The following ANKHD1 variants were observed in gnomAD, a reference collection of about 807,000 sequenced individuals.
ANKHD1 encodes ankyrin repeat and KH domain-containing protein 1.
Under a neutral mutation model 230.5 loss-of-function variants are expected in ANKHD1, and 31 were observed. The observed-to-expected ratio is 0.13, with a 90% CI of 0.10 to 0.18. ANKHD1 has a LOEUF of 0.18. Ranked by LOEUF, ANKHD1 falls within the 10% of genes least tolerant of loss-of-function variation. The pLI is 1.00. For synonymous variants in ANKHD1, 1,074 were observed against 1,117.6 expected, an observed-to-expected ratio of 0.96 and a Z score of 0.78; for missense variants, 2,256 against 3,071.3, an observed-to-expected ratio of 0.73 and a Z score of 6.27.
At chr5:140,478,349 TTTTC>T (rs1209931352) in intron 10 of ANKHD1, among the ~76,000 whole-genome samples, 1 of 150,454 alleles carries the variant, frequency 6.6e-6, no homozygotes, top group Non-Finnish European at 1.5e-5. Flanking sequence ...CAAGCAAGGC[TTTTC>T]TTTCTTTTTC....
At chr5:140,454,903 C>CA (rs941284756) in intron 7 of ANKHD1, among the ~76,000 whole-genome samples, 46 of 151,698 alleles carry the variant, frequency 3.0e-4, no homozygotes, top group Non-Finnish European at 5.6e-4. Flanking sequence ...AAAAACCCTT[C>CA]AAAAAAAATC....
chr5:140,436,013 C>G, intron 1 of ANKHD1, 91 bp from the exon 2 acceptor site: 1 of 1,320,892 alleles, frequency 7.6e-7, no homozygotes, highest in Non-Finnish European at 9.8e-7. Context: ...TATTTAAGTT[C>G]TAATTAAGAA....
At chr5:140,473,676 A>T (rs1340604736) in intron 10 of ANKHD1, among the ~76,000 whole-genome samples, 1 of 152,112 alleles carries the variant, frequency 6.6e-6, no homozygotes, top group Non-Finnish European at 1.5e-5. Flanking sequence ...TTCTACTTTG[A>T]AGTAAGTAAG....
chr5:140,467,127 A>G (rs1776151569), intron 10 of ANKHD1, among the ~76,000 whole-genome samples: 1 of 152,076 alleles, frequency 6.6e-6, no homozygotes, highest in Admixed American at 6.6e-5. Context: ...GTGTTCTATC[A>G]TAATCTTTAC....
At chr5:140,422,463 C>G (rs1417090673) in intron 1 of ANKHD1, among the ~76,000 whole-genome samples, 1 of 152,068 alleles carries the variant, frequency 6.6e-6, no homozygotes, top group Non-Finnish European at 1.5e-5. Flanking sequence ...TTATTTAGAG[C>G]CTACTATTTG....
Position 140,485,028 on chromosome 5 carries a change from C to T in ANKHD1, c.1871-93C>T. 6.8e-7 allele frequency: 1 copy of T among 1,471,364 alleles called. No individual in the cohort carries two copies. The highest frequency in any genetic ancestry group is 2.2e-5 in the Admixed American group (1 of 46,098). The allele number at this position is 1,471,364 out of a possible 1,614,324, so 91.1% of individuals were successfully genotyped here. On this transcript the variant is annotated intron_variant, in intron 11 of 33. Transcript: ENST00000360839. This position sits in a 1 kb window ranked among gnomAD's most constrained non-coding sequence, Gnocchi z 4.8. The stretch of plus-strand genomic sequence containing the variant: ...TGATTTGTATATTTTTTTGTATCTA[C>T]ATTATACTTCACAAAAAATTTTTAA...
At chr5:140,413,717 G>C (rs1414373476) in intron 1 of ANKHD1, among the ~76,000 whole-genome samples, 7 of 151,988 alleles carry the variant, frequency 4.6e-5, no homozygotes, top group Non-Finnish European at 8.8e-5. Flanking sequence ...ATGTGTGTGT[G>C]TATATATGTA....
Position 140,534,298 on chromosome 5 carries a change from A to G in ANKHD1, c.6851-1064A>G, listed in dbSNP as rs544452325. Among the ~76,000 whole-genome samples the G allele has an allele frequency of 5.3e-4, 80 of 152,220 alleles. No individual in the cohort carries two copies. The South Asian group carries it at 0.013, about 24-fold the overall frequency. ...TCCCAGCTACTTGGGAGGCTGAGGC[A>G]GAAGAATGGCATGAACCCGGGAGGC... On this transcript the variant is annotated intron_variant, in intron 29 of 33. Coordinates refer to ENST00000360839, the MANE Select transcript of ANKHD1 (RefSeq NM_017747.3).
chr5:140,410,139 C>A (rs1770811905), intron 1 of ANKHD1, among the ~76,000 whole-genome samples: 11 of 152,094 alleles, frequency 7.2e-5, no homozygotes, highest in Admixed American at 7.2e-4. Flanking sequence ...CCTGCTCCCA[C>A]ATATCTTGCT....
chr5:140,441,042 A>T lies in ANKHD1; in HGVS notation c.813A>T (p.Gly271=). Residue 271 remains glycine, a synonymous_variant, in exon 5 of 34, where the codon GGA becomes GGT. Coordinates refer to ENST00000360839, the MANE Select transcript of ANKHD1 (RefSeq NM_017747.3). Reference sequence around the variant, plus strand: ...ATGTTGAAGATCGAGGGAATAAAGGAGACATAACTCCCCTGATGGCAGCTT... The same window carrying T: ...ATGTTGAAGATCGAGGGAATAAAGGTGACATAACTCCCCTGATGGCAGCTT... ...HANVEDRGNK[G]DITPLMAASS... 2.5e-6 allele frequency: 4 copies of T among 1,612,212 alleles called. No homozygotes were observed. In the African/African-American group the frequency reaches 4.0e-5, roughly 16 times the overall value.
At position 140,419,794 on chromosome 5, in the gene ANKHD1, CTTTCT is replaced by C. The variant is rs1561690828; in HGVS notation, c.307-16307_307-16303del. 5.8e-5 allele frequency among the ~76,000 whole-genome samples: 8 copies of C among 137,032 alleles called. No individual in the cohort carries two copies. In the East Asian group the frequency reaches 1.7e-3, roughly 29 times the overall value. 89.9% of individuals were successfully genotyped at this position (137,032 alleles called of 152,430 possible). A position where few individuals can be genotyped will look rare whatever the true frequency, so the allele number is the denominator to read the frequency against. ...TTTCTTTTTCTTTCTTTCTTTCTTTCTTTCTTTCTTTCTTTCTTTCTTTCTTTCTT... is the reference window on the plus strand; with the variant it reads ...TTTCTTTTTCTTTCTTTCTTTCTTTCTTCTTTCTTTCTTTCTTTCTTTCTT... On this transcript the variant is annotated intron_variant, in intron 1 of 33. Coordinates refer to ENST00000360839, the MANE Select transcript of ANKHD1 (RefSeq NM_017747.3).
chr5:140,416,836 A>G (rs556709642), intron 1 of ANKHD1, among the ~76,000 whole-genome samples: 4 of 150,940 alleles, frequency 2.7e-5, no homozygotes, highest in Non-Finnish European at 5.9e-5. Context: ...TTGAGATCCC[A>G]TATTAATTTT....
chr5:140,516,083 A>G (rs1752992571), intron 24 of ANKHD1, among the ~76,000 whole-genome samples: 1 of 152,174 alleles, frequency 6.6e-6, no homozygotes, highest in Admixed American at 6.5e-5. Flanking sequence ...AGAATAACCA[A>G]TACAGAGAAG....
At chr5:140,455,713 C>T (rs1775125749) in intron 7 of ANKHD1, among the ~76,000 whole-genome samples, 1 of 152,052 alleles carries the variant, frequency 6.6e-6, no homozygotes, top group Non-Finnish European at 1.5e-5. Flanking sequence ...TGGGACATAT[C>T]TCAAAATAAT....
At chr5:140,455,562 A>G (rs1581271275) in intron 7 of ANKHD1, among the ~76,000 whole-genome samples, 1 of 152,334 alleles carries the variant, frequency 6.6e-6, no homozygotes, top group Admixed American at 6.5e-5. Flanking sequence ...GGTTCAACAT[A>G]TGCAAATCAA....
At position 140,509,694 on chromosome 5, in the gene ANKHD1, G is replaced by A. The variant is rs141509663; in HGVS notation, c.3823G>A (p.Val1275Ile). Residue 1275 changes from valine (V) to isoleucine (I), a missense_variant, in exon 21 of 34, where the codon GTT becomes ATT. Around this residue, in one of 13 missense-constraint regions of ANKHD1, gnomAD observed 195 missense variants for 340.3 expected, o/e 0.57. Coordinates refer to ENST00000360839, the MANE Select transcript of ANKHD1 (RefSeq NM_017747.3). ...TGGAGGGTATGCAGAGGTTGGAAGA[G>A]TTCTTCTTGATAAAGGAGCAGATGT... ...ASGGYAEVGR[V>I]LLDKGADVNA... is the part of the protein sequence containing the mutation. 2.2e-5 allele frequency: 36 copies of A among 1,613,090 alleles called. No individual in the cohort carries two copies. In the African/African-American group the frequency reaches 4.0e-4, roughly 18 times the overall value.
chr5:140,466,583 A>G (rs572179004), intron 10 of ANKHD1, among the ~76,000 whole-genome samples: 1 of 152,332 alleles, frequency 6.6e-6, no homozygotes, highest in African/African-American at 2.4e-5. Flanking sequence ...TAGAAGAACT[A>G]CATTAATTGA....
Position 140,510,155 on chromosome 5 carries a change from A to G in ANKHD1, c.4078A>G (p.Thr1360Ala). 1.9e-6 allele frequency: 3 copies of G among 1,612,542 alleles called. No homozygotes were observed. In the South Asian group the frequency reaches 3.3e-5, roughly 18 times the overall value. Residue 1360 changes from threonine (T) to alanine (A), a missense_variant, in exon 22 of 34, where the codon ACA becomes GCA. By Grantham distance (58) the Thr-to-Ala change is moderately conservative. Around this residue, in one of 13 missense-constraint regions of ANKHD1, gnomAD observed 195 missense variants for 340.3 expected, o/e 0.57. Coordinates refer to ENST00000360839, the MANE Select transcript of ANKHD1 (RefSeq NM_017747.3). ...GGATGCAGCAGATAACCGGAAAATC[A>G]CACCTCTTATGTCAGCATTTCGCAA... Reference protein sequence around the residue: ...DVDAADNRKITPLMSAFRKGH... With the variant: ...DVDAADNRKIAPLMSAFRKGH...
At chr5:140,438,743 T>C in intron 3 of ANKHD1, 126 bp downstream of exon 3, 1 of 1,243,132 alleles carries the variant, frequency 8.0e-7, no homozygotes, top group Middle Eastern at 2.3e-4. Flanking sequence ...TATTACATTT[T>C]AAGTGGATAT....
Sources: allele counts gnomAD v4.1 joint callset (sites outside exome capture counted in the v4.1 genomes callset), GRCh38; gene constraint gnomAD v4.1.1; regional missense constraint gnomAD v4.1.1; non-coding constraint Gnocchi (gnomAD v3.1); transcripts MANE v1.5; gene names NCBI Gene and HGNC (gene_info 2026-07-23, HGNC 2026-07-21).